The following BCL6 variants were observed in gnomAD, a reference collection of about 807,000 sequenced individuals.
The protein encoded by BCL6 is BCL6 transcription repressor, also known as B-cell lymphoma 6 protein.
BCL6 carries 7 observed loss-of-function variants against 59.5 expected under a neutral mutation model. The observed-to-expected ratio is 0.12, with a 90% CI of 0.07 to 0.22. The LOEUF is 0.22. Among genes scored for constraint, BCL6 ranks in the 10% least tolerant of loss-of-function variants. The pLI is 1.00. For missense variants in BCL6, 685 were observed against 939.4 expected, an observed-to-expected ratio of 0.73 and a Z score of 3.54; for synonymous variants, 339 against 349.7, an observed-to-expected ratio of 0.97 and a Z score of 0.34.
At chr3:187,736,448 C>T (rs911176917) in intron 1 of BCL6, 6 of 152,186 alleles carry the variant, frequency 3.9e-5, no homozygotes, top group Non-Finnish European at 5.9e-5. Flanking sequence ...TCCTCAAACA[C>T]TTCTGGAATA....
At chr3:187,737,775 T>TTTC (rs1553841205) in intron 1 of BCL6, 6 of 149,366 alleles carry the variant, frequency 4.0e-5, no homozygotes, top group Non-Finnish European at 8.9e-5. Flanking sequence ...TTTTTTTTTT[T>TTTC]CCTGTTACGC....
At chr3:187,744,578 A>C in intron 1 of BCL6, among the ~76,000 whole-genome samples, 1 of 152,276 alleles carries the variant, frequency 6.6e-6, no homozygotes, top group South Asian at 2.1e-4. Context: ...TTATGACCAA[A>C]AAAACAAAAA....
Position 187,725,420 on chromosome 3 carries a change from C to T in BCL6, c.1839+79G>A, listed in dbSNP as rs2108557209. ...CCGCTCCACTTGCCTGCCCACTCCT[C>T]CGCTTGCCTGCCCACTCCTCCGCTC... On this transcript the variant is annotated intron_variant, in intron 8 of 9. Transcript: ENST00000406870. The surrounding 1 kb of genome is among the most constrained non-coding windows in gnomAD (Gnocchi z 4.7). 1.3e-6 allele frequency: 2 copies of T among 1,579,356 alleles called. No homozygotes were observed. The highest frequency in any genetic ancestry group is 8.6e-7 in the Non-Finnish European group (1 of 1,162,298).
Position 187,725,548 on chromosome 3 carries a change from G to C in BCL6, c.1790C>G (p.Ser597Cys). 1 of 1,614,240 alleles carries C rather than the reference G, an allele frequency of 6.2e-7. No homozygotes were observed. Among genetic ancestry groups the C allele is most frequent in the Non-Finnish European group, 8.5e-7 (1 of 1,180,038 alleles). ...TTCGCATTTGTAGGGCTTCTCTCCAGAGTGAATTCGAGTGTGGGTTTTCAG... is the reference window on the plus strand; with the variant it reads ...TTCGCATTTGTAGGGCTTCTCTCCACAGTGAATTCGAGTGTGGGTTTTCAG... ...ANLKTHTRIHSGEKPYKCETC... is the reference protein window; with the variant it reads ...ANLKTHTRIHCGEKPYKCETC... Residue 597 changes from serine to cysteine, a missense_variant, in exon 8 of 10, where the codon TCT becomes TGT. Coordinates refer to ENST00000406870, the MANE Select transcript of BCL6 (RefSeq NM_001706.5). This position sits in a 1 kb window ranked among gnomAD's most constrained non-coding sequence, Gnocchi z 4.7.
chr3:187,727,004 A>G, intron 6 of BCL6, 106 bp from the exon 7 acceptor site: 1 of 1,303,876 alleles, frequency 7.7e-7, no homozygotes, highest in Non-Finnish European at 1.1e-6. Flanking sequence ...CTGAACTCTC[A>G]GTCCCTCACT....
rs370654751 is a variant in BCL6, at chr3:187,722,629, A to G, written c.1978-28T>C. 3.6e-5 allele frequency: 58 copies of G among 1,606,190 alleles called. No homozygotes were observed. The African/African-American group carries it at 7.2e-4, about 20-fold the overall frequency. ...GCAGGGATATCAGAGGCAAACTGTTAGCTGTCATCAACCCAAGAAAGATGT... is the reference window on the plus strand; with the variant it reads ...GCAGGGATATCAGAGGCAAACTGTTGGCTGTCATCAACCCAAGAAAGATGT... On this transcript the variant is annotated intron_variant, in intron 9 of 9. Transcript: ENST00000406870.
chr3:187,722,865 T>C (rs1221058592), intron 9 of BCL6, among the ~76,000 whole-genome samples: 1 of 152,234 alleles, frequency 6.6e-6, no homozygotes, highest in African/African-American at 2.4e-5. Flanking sequence ...CTCCACAAGT[T>C]TGAGTCTTAT....
chr3:187,743,022 C>CTTTTT (rs3054746), intron 1 of BCL6, among the ~76,000 whole-genome samples: 7 of 146,592 alleles, frequency 4.8e-5, no homozygotes, highest in Middle Eastern at 7.0e-3. Flanking sequence ...GCCGCCCCCT[C>CTTTTT]TTTTTTTTTT....
At chr3:187,745,080 G>C (rs1046233683) in intron 1 of BCL6, among the ~76,000 whole-genome samples, 1 of 151,986 alleles carries the variant, frequency 6.6e-6, no homozygotes, top group Admixed American at 6.6e-5. Context: ...AGGGAGGGTG[G>C]CAAAAGCCTC....
At chr3:187,744,002 G>C (rs1414107179) in intron 1 of BCL6, among the ~76,000 whole-genome samples, 1 of 152,182 alleles carries the variant, frequency 6.6e-6, no homozygotes, top group Admixed American at 6.5e-5. Context: ...TTGCACATAA[G>C]GAACGCGGGC....
intron 4 of BCL6, among the ~76,000 whole-genome samples, 181 bp downstream of exon 4, chr3:187,731,528 C>T (rs2108468972): frequency 6.6e-6 from 1 of 152,182 alleles, no homozygotes; most frequent in East Asian, 1.9e-4. Context: ...TGTATAGCCA[C>T]AGGAGTTAAG....
At chr3:187,738,603 A>T (rs2108477413) in intron 1 of BCL6, among the ~76,000 whole-genome samples, 1 of 152,132 alleles carries the variant, frequency 6.6e-6, no homozygotes, top group East Asian at 1.9e-4. Flanking sequence ...CGGGAATTAT[A>T]ACCCCCGGGT....
chr3:187,732,388 CA>C, intron 3 of BCL6: 1 of 433,056 alleles, frequency 2.3e-6, no homozygotes, highest in Non-Finnish European at 4.6e-6. Flanking sequence ...CTATGAATGA[CA>C]AATAAATAAA....
chr3:187,728,547 A>G lies in BCL6; in HGVS notation c.1356-3T>C, dbSNP rs113668878. The G allele has an allele frequency of 1.6e-3, 2,632 of 1,599,856 alleles. 18 individuals are homozygous for G. The Middle Eastern group carries it at 0.021, about 13-fold the overall frequency. ...TGCGGGGAGAGCCCGTCATGGACCT[A>G]TGGACAGGAGTAAAAACAGCCTCAG... On this transcript the variant is annotated splice_polypyrimidine_tract_variant and splice_region_variant and intron_variant, in intron 5 of 9. Coordinates refer to ENST00000406870, the MANE Select transcript of BCL6 (RefSeq NM_001706.5).
chr3:187,724,827 TG>T (rs1455038177), intron 9 of BCL6, 113 bp downstream of exon 9: 1 of 1,439,454 alleles, frequency 6.9e-7, no homozygotes, highest in Admixed American at 2.0e-5. Flanking sequence ...GTGCTTGAGA[TG>T]GGAGCAAACA....
chr3:187,732,321 T>G (rs189010697), intron 3 of BCL6: 5 of 408,396 alleles, frequency 1.2e-5, no homozygotes, highest in African/African-American at 8.3e-5. Flanking sequence ...AAGCATTCCT[T>G]CTTGTTCCAT....
chr3:187,731,867 A>G lies in BCL6; in HGVS notation c.225T>C (p.Asp75=), dbSNP rs1359440723. The change falls in exon 4 of 10, where the codon GAT becomes GAC. Residue 75 remains aspartate (D), a synonymous_variant. Coordinates refer to ENST00000406870, the MANE Select transcript of BCL6 (RefSeq NM_001706.5). ...LKCNLSVINL[D]PEINPEGFCI... ...AGAATCCCTCAGGGTTGATCTCAGGATCTAGATTGATCACACTAAGGTTGC... is the reference window on the plus strand; with the variant it reads ...AGAATCCCTCAGGGTTGATCTCAGGGTCTAGATTGATCACACTAAGGTTGC... 1.2e-6 allele frequency: 2 copies of G among 1,614,022 alleles called. No individual in the cohort carries two copies. Among genetic ancestry groups the G allele is most frequent in the Admixed American group, 1.7e-5 (1 of 59,990 alleles).
At chr3:187,742,458 G>T (rs1711641455) in intron 1 of BCL6, among the ~76,000 whole-genome samples, 1 of 152,170 alleles carries the variant, frequency 6.6e-6, no homozygotes, top group African/African-American at 2.4e-5. Context: ...CTTCAAAACT[G>T]AAAAGAAGAA....
At chr3:187,744,140 A>T (rs1576884473) in intron 1 of BCL6, among the ~76,000 whole-genome samples, 1 of 152,156 alleles carries the variant, frequency 6.6e-6, no homozygotes, top group East Asian at 1.9e-4. Context: ...AATAAAATAA[A>T]ATTTAGGAAA....
Sources: allele counts gnomAD v4.1 joint callset (sites outside exome capture counted in the v4.1 genomes callset), GRCh38; gene constraint gnomAD v4.1.1; non-coding constraint Gnocchi (gnomAD v3.1); transcripts MANE v1.5; gene names NCBI Gene and HGNC (gene_info 2026-07-23, HGNC 2026-07-21).